CTNNA2: variants seen among roughly 807,000 people sequenced by gnomAD.
CTNNA2 encodes catenin alpha 2.
Under a neutral mutation model 101.0 loss-of-function variants are expected in CTNNA2, and 42 were observed. The ratio of observed to expected loss-of-function variants is 0.42; its 90% CI spans 0.32 to 0.54. The LOEUF is 0.54. Among genes scored for constraint, CTNNA2 ranks in the 20% least tolerant of loss-of-function variants. The probability of loss-of-function intolerance (pLI) is 0.14; values close to 1 mark genes in which losing one functional copy is unlikely to be tolerated. For synonymous variants in CTNNA2, 450 were observed against 456.4 expected (o/e 0.99, Z 0.18); for missense variants, 871 against 1,223.1 (o/e 0.71, Z 4.29).
At chr2:79,678,447 A>C (rs899660511) in intron 2 of CTNNA2, among the ~76,000 whole-genome samples, 6 of 151,554 alleles carry the variant, frequency 4.0e-5, no homozygotes, top group African/African-American at 1.5e-4. Flanking sequence ...AGGTGGGAGG[A>C]TCACTTGAGC....
At chr2:79,487,434 G>A (rs1290011409) in intron 4 of CTNNA2, among the ~76,000 whole-genome samples, 2 of 152,228 alleles carry the variant, frequency 1.3e-5, no homozygotes, top group African/African-American at 4.8e-5. Context: ...ACAGAGTGTA[G>A]TGAACATTCT....
At chr2:79,396,544 A>G (rs1010605380) in intron 4 of CTNNA2, among the ~76,000 whole-genome samples, 29 of 151,490 alleles carry the variant, frequency 1.9e-4, no homozygotes, top group African/African-American at 6.8e-4. Context: ...TTGGACACAG[A>G]AGATTAGGTT....
At chr2:79,510,773 A>T (rs1218920789), upstream of CTNNA2, among the ~76,000 whole-genome samples, 1 of 152,228 alleles carries the variant, frequency 6.6e-6, no homozygotes, top group East Asian at 1.9e-4. Flanking sequence ...TGCATGAACT[A>T]AAAGCTTACA....
At position 80,020,881 on chromosome 2, in the gene CTNNA2, G is replaced by A. The variant is rs150563624; in HGVS notation, c.1056+111084G>A. On this transcript the variant is annotated intron_variant, in intron 7 of 18. Coordinates refer to ENST00000402739, the MANE Select transcript of CTNNA2 (RefSeq NM_001282597.3). ...TGAACTTTGTTTTGACTTGCTATTT[G>A]ACCTGGTATGCTGTGGACCAGCCAA... Among the ~76,000 whole-genome samples the A allele has an allele frequency of 1.0e-3, 151 of 151,566 alleles. 4 individuals are homozygous for A. The East Asian group carries it at 0.027, about 27-fold the overall frequency.
At chr2:80,360,410 A>G (rs150567013) in intron 7 of CTNNA2, among the ~76,000 whole-genome samples, 1 of 152,100 alleles carries the variant, frequency 6.6e-6, no homozygotes, top group East Asian at 1.9e-4. Context: ...GGTAGTACTT[A>G]AGGGTTTTTT....
intron 7 of CTNNA2, among the ~76,000 whole-genome samples, chr2:80,140,428 A>G (rs542989062): frequency 6.6e-6 from 1 of 152,264 alleles, no homozygotes; most frequent in East Asian, 1.9e-4. Context: ...CATAAGCTTC[A>G]GGGTTTCAGG....
chr2:80,536,660 G>A (rs530151322), intron 9 of CTNNA2, among the ~76,000 whole-genome samples: 6 of 152,308 alleles, frequency 3.9e-5, no homozygotes, highest in East Asian at 3.9e-4. Context: ...TTCATATCAC[G>A]TTGGAGTTAA....
chr2:80,039,042 G>A (rs1230277687), intron 7 of CTNNA2, among the ~76,000 whole-genome samples: 1 of 152,138 alleles, frequency 6.6e-6, no homozygotes, highest in Non-Finnish European at 1.5e-5. Context: ...AATGCAGGGA[G>A]TGGAGGTGGG....
intron 1 of CTNNA2, among the ~76,000 whole-genome samples, chr2:79,629,567 G>A (rs1170861125): frequency 2.6e-5 from 4 of 152,138 alleles, no homozygotes; most frequent in Non-Finnish European, 4.4e-5. Context: ...CTGAGATGGA[G>A]CAAAGGAAAG....
At position 80,648,075 on chromosome 2, in the gene CTNNA2, G is replaced by A; in HGVS notation, c.*203G>A. ...CCTGGGAAGGAGACAGGACATTCCT[G>A]TACTAAGGTGGCACAGAGCTGTCCT... On this transcript the variant is annotated 3_prime_UTR_variant, in exon 19 of 19. Transcript: ENST00000402739. 2.1e-6 allele frequency: 1 copy of A among 478,342 alleles called. No individual in the cohort carries two copies. Among genetic ancestry groups the A allele is most frequent in the South Asian group, 3.6e-5 (1 of 28,108 alleles). The allele number at this position is 478,342 out of a possible 1,614,324, so 29.6% of individuals were successfully genotyped here.
intron 2 of CTNNA2, among the ~76,000 whole-genome samples, chr2:79,203,132 G>T (rs1674058791): frequency 6.6e-6 from 1 of 152,100 alleles, no homozygotes; most frequent in Non-Finnish European, 1.5e-5. Flanking sequence ...TAGCCAAGTT[G>T]TTGGGACTCT....
At chr2:80,519,638 C>G (rs1182960051) in intron 9 of CTNNA2, among the ~76,000 whole-genome samples, 2 of 152,214 alleles carry the variant, frequency 1.3e-5, no homozygotes, top group Non-Finnish European at 2.9e-5. Flanking sequence ...CTGACCTCCT[C>G]TGAATTCCAC....
chr2:80,107,543 A>T (rs1700964368), intron 7 of CTNNA2, among the ~76,000 whole-genome samples: 1 of 152,164 alleles, frequency 6.6e-6, no homozygotes, highest in East Asian at 1.9e-4. Context: ...CATTTCCATC[A>T]CTTAATAAAA....
chr2:79,996,472 A>G (rs910446634), intron 7 of CTNNA2, among the ~76,000 whole-genome samples: 6 of 152,208 alleles, frequency 3.9e-5, no homozygotes, highest in African/African-American at 2.4e-5. Context: ...AAAAGAAGAT[A>G]TGGGTTATCA....
Position 80,140,488 on chromosome 2 carries a change from G to GCA in CTNNA2, c.1056+230691_1056+230692insCA, listed in dbSNP as rs1204249905. On this transcript the variant is annotated intron_variant, in intron 7 of 18. Coordinates refer to ENST00000402739, the MANE Select transcript of CTNNA2 (RefSeq NM_001282597.3). ...TTAAGTCCATGGTGACAGAAGCTCT[G>GCA]TCCTATCCCTTCCCACCCATCCCTC... is the stretch of plus-strand genomic sequence containing the variant. Among the ~76,000 whole-genome samples the GCA allele has an allele frequency of 3.4e-3, 521 of 152,188 alleles. 2 individuals carry two copies. Among genetic ancestry groups the GCA allele is most frequent in the African/African-American group, 0.011 (470 of 41,540 alleles).
At position 79,797,846 on chromosome 2, in the gene CTNNA2, A is replaced by T. The variant is rs115488258; in HGVS notation, c.298+53264A>T. The stretch of plus-strand genomic sequence containing the variant: ...ATGGTTTATTATTAGATGCTTTAGG[A>T]TTGCACTGTTCTCTGGGGTGGATTT... On this transcript the variant is annotated intron_variant, in intron 3 of 18. Transcript: ENST00000402739. Among the ~76,000 whole-genome samples the T allele has an allele frequency of 4.5e-3, 685 of 152,048 alleles. 4 individuals are homozygous for T. Among genetic ancestry groups the T allele is most frequent in the African/African-American group, 0.016 (657 of 41,446 alleles).
At chr2:79,717,552 C>G (rs1686187628) in intron 2 of CTNNA2, among the ~76,000 whole-genome samples, 1 of 152,110 alleles carries the variant, frequency 6.6e-6, no homozygotes, top group African/African-American at 2.4e-5. Flanking sequence ...GTGGCTGGAG[C>G]TTGACCCGAT....
chr2:80,095,771 A>G (rs1700106552), intron 7 of CTNNA2, among the ~76,000 whole-genome samples: 1 of 151,624 alleles, frequency 6.6e-6, no homozygotes, highest in African/African-American at 2.4e-5. Flanking sequence ...TTTCTTCTAG[A>G]TTTTCTAGTT....
At chr2:80,614,230 T>C (rs1386433860) in intron 17 of CTNNA2, among the ~76,000 whole-genome samples, 1 of 151,440 alleles carries the variant, frequency 6.6e-6, no homozygotes, top group Non-Finnish European at 1.5e-5. Context: ...TGGCCTTCTG[T>C]ATCTGTGAGT....
Sources: gnomAD v4.1 joint callset for allele counts (sites outside exome capture counted in the v4.1 genomes callset) on GRCh38, gnomAD v4.1.1 for gene constraint, MANE v1.5 for transcripts, NCBI Gene and HGNC (gene_info 2026-07-23, HGNC 2026-07-21) for gene names.